Variants in CCDC178 observed in about 807,000 individuals in gnomAD.
CCDC178 encodes the protein coiled-coil domain-containing protein 178.
In CCDC178, 126 loss-of-function variants were observed where a neutral mutation model predicts 117.4. The observed-to-expected ratio is 1.07, with a 90% CI of 0.93 to 1.24. CCDC178 has a LOEUF of 1.24. Ranked by LOEUF, CCDC178 falls within the 50% of genes most tolerant of loss-of-function variation. The pLI is 0.00. For synonymous variants in CCDC178, 283 were observed against 313.4 expected (o/e 0.90, Z 1.02); for missense variants, 1,030 against 986.9 (o/e 1.04, Z -0.59).
chr18:33,206,416 T>C (rs910977685), intron 20 of CCDC178, among the ~76,000 whole-genome samples: 14 of 151,734 alleles, frequency 9.2e-5, no homozygotes, highest in Non-Finnish European at 2.1e-4. Context: ...AAAAAGAATA[T>C]TTATAAATAA....
At chr18:33,362,010 G>A (rs7235971) in intron 6 of CCDC178, among the ~76,000 whole-genome samples, 91,425 of 151,478 alleles carry the variant, frequency 0.6, 30,645 homozygotes, top group African/African-American at 0.9. Context: ...ACCCATATTC[G>A]CTGCAGCATT....
intron 21 of CCDC178, among the ~76,000 whole-genome samples, chr18:33,076,485 A>G (rs1357030509): frequency 6.6e-6 from 1 of 152,228 alleles, no homozygotes; most frequent in Non-Finnish European, 1.5e-5. Context: ...TTCAGAAATG[A>G]GAGTTTCTAA....
chr18:33,374,654 T>C (rs995173476), intron 5 of CCDC178, among the ~76,000 whole-genome samples: 1 of 152,158 alleles, frequency 6.6e-6, no homozygotes, highest in Admixed American at 6.6e-5. Flanking sequence ...AATAAAAATA[T>C]GTCCACAAAA....
chr18:32,940,696 C>A (rs2054218968), intron 22 of CCDC178, among the ~76,000 whole-genome samples: 1 of 151,932 alleles, frequency 6.6e-6, no homozygotes, highest in South Asian at 2.1e-4. Context: ...CTCAAGTAGA[C>A]CCCAGTGTCT....
At chr18:33,041,495 G>C (rs1040016215) in intron 21 of CCDC178, among the ~76,000 whole-genome samples, 5 of 150,642 alleles carry the variant, frequency 3.3e-5, no homozygotes, top group African/African-American at 1.2e-4. Context: ...ATCAAGTGAT[G>C]TCTATTTTAG....
At chr18:33,118,801 C>A (rs1222333486) in intron 20 of CCDC178, among the ~76,000 whole-genome samples, 1 of 152,096 alleles carries the variant, frequency 6.6e-6, no homozygotes, top group East Asian at 1.9e-4. Context: ...TACTACAAGG[C>A]TACAGTAACC....
At chr18:33,202,243 T>G (rs899089203) in intron 20 of CCDC178, among the ~76,000 whole-genome samples, 4 of 151,332 alleles carry the variant, frequency 2.6e-5, no homozygotes, top group African/African-American at 9.7e-5. Flanking sequence ...AATACAAAAA[T>G]TAGCTGGGCG....
intron 10 of CCDC178, among the ~76,000 whole-genome samples, chr18:33,329,391 G>A (rs531445859): frequency 2.0e-5 from 3 of 152,048 alleles, no homozygotes; most frequent in African/African-American, 4.8e-5. Context: ...AAAGGTTTAA[G>A]TCTTTCACCA....
intron 22 of CCDC178, among the ~76,000 whole-genome samples, chr18:32,959,222 T>C (rs2054655098): frequency 6.6e-6 from 1 of 152,134 alleles, no homozygotes; most frequent in Admixed American, 6.5e-5. Flanking sequence ...GAGAAGAGTT[T>C]TCAAGTCAAG....
chr18:33,179,012 G>C (rs1347243611), intron 20 of CCDC178, among the ~76,000 whole-genome samples: 1 of 113,958 alleles, frequency 8.8e-6, no homozygotes. Flanking sequence ...AGTCCTTCCA[G>C]AACTGTTTAA....
intron 4 of CCDC178, among the ~76,000 whole-genome samples, chr18:33,394,529 C>T (rs2063605583): frequency 6.6e-6 from 1 of 151,782 alleles, no homozygotes. Context: ...GTTCTACACT[C>T]AAATAACATA....
chr18:33,310,654 C>T (rs539472078), intron 11 of CCDC178, among the ~76,000 whole-genome samples: 27 of 152,106 alleles, frequency 1.8e-4, no homozygotes, highest in Admixed American at 7.9e-4. Flanking sequence ...ACACTGAATT[C>T]CAGTCTGGGT....
At chr18:33,096,877 C>G (rs900216118) in intron 20 of CCDC178, among the ~76,000 whole-genome samples, 2 of 152,052 alleles carry the variant, frequency 1.3e-5, no homozygotes, top group African/African-American at 4.8e-5. Context: ...AGGAGCTGTG[C>G]TAGGAATGCA....
chr18:33,359,295 C>A (rs1282843443), intron 6 of CCDC178, among the ~76,000 whole-genome samples: 2 of 151,624 alleles, frequency 1.3e-5, no homozygotes, highest in Non-Finnish European at 3.0e-5. Context: ...AAGCAGAGTG[C>A]AATTTCATAT....
intron 7 of CCDC178, among the ~76,000 whole-genome samples, chr18:33,350,736 T>A (rs1453201851): frequency 6.6e-6 from 1 of 152,214 alleles, no homozygotes; most frequent in Non-Finnish European, 1.5e-5. Flanking sequence ...TATACACATT[T>A]GTATATGAGT....
chr18:32,974,879 G>T (rs1259679394), intron 21 of CCDC178, among the ~76,000 whole-genome samples, 198 bp from the exon 22 acceptor site: 2 of 152,136 alleles, frequency 1.3e-5, no homozygotes, highest in South Asian at 4.1e-4. Flanking sequence ...AGTCACATCT[G>T]GCCGCCAGGA....
intron 6 of CCDC178, among the ~76,000 whole-genome samples, chr18:33,365,172 A>G (rs981456386): frequency 1.3e-5 from 2 of 152,144 alleles, no homozygotes; most frequent in African/African-American, 4.8e-5. Flanking sequence ...TTTCAAGTTA[A>G]ATACAATAGA....
At chr18:33,165,995 A>C (rs1255905964) in intron 20 of CCDC178, among the ~76,000 whole-genome samples, 1 of 152,226 alleles carries the variant, frequency 6.6e-6, no homozygotes, top group Admixed American at 6.5e-5. Flanking sequence ...GCAGTGAGAA[A>C]CACAGTGAGT....
chr18:33,147,953 C>T (rs918887785), intron 20 of CCDC178, among the ~76,000 whole-genome samples: 20 of 151,860 alleles, frequency 1.3e-4, no homozygotes, highest in Non-Finnish European at 2.1e-4. Flanking sequence ...CAGGCAGAGG[C>T]GCCCCCACCT....
Sources: allele counts gnomAD v4.1 joint callset (sites outside exome capture counted in the v4.1 genomes callset), GRCh38; gene constraint gnomAD v4.1.1; transcripts MANE v1.5; gene names NCBI Gene and HGNC (gene_info 2026-07-23, HGNC 2026-07-21).